QTMAN: variants seen among roughly 807,000 people sequenced by gnomAD.
The protein encoded by QTMAN is queuosine-tRNA mannosyltransferase, also known as tRNA-queuosine alpha-mannosyltransferase.
chr2:144,296,041 T>C, the QTMAN span, among the ~76,000 whole-genome samples: 1 of 152,234 alleles, frequency 6.6e-6, no homozygotes, highest in African/African-American at 2.4e-5. Context: ...GGTCAAACTG[T>C]GGTTTATTAA....
At chr2:144,125,583 C>A in the QTMAN span, among the ~76,000 whole-genome samples, 2 of 151,994 alleles carry the variant, frequency 1.3e-5, no homozygotes, top group African/African-American at 4.8e-5. Flanking sequence ...TAATTTGTAA[C>A]CATTCTCAGT....
chr2:144,218,655 T>C, the QTMAN span, among the ~76,000 whole-genome samples: 84 of 152,320 alleles, frequency 5.5e-4, no homozygotes, highest in Non-Finnish European at 9.3e-4. Flanking sequence ...ATTGAGAAGT[T>C]TCCCTCCCCA....
the QTMAN span, among the ~76,000 whole-genome samples, chr2:143,975,165 T>C: frequency 6.6e-6 from 1 of 152,208 alleles, no homozygotes; most frequent in Non-Finnish European, 1.5e-5. Flanking sequence ...TTTCCATGTG[T>C]TTTTTATTCC....
At chr2:144,250,045 T>C in the QTMAN span, among the ~76,000 whole-genome samples, 1 of 151,728 alleles carries the variant, frequency 6.6e-6, no homozygotes, top group South Asian at 2.1e-4. Context: ...GTGACAGCAA[T>C]AAACAAATCA....
chr2:143,973,303 C>G, the QTMAN span, among the ~76,000 whole-genome samples: 1 of 152,088 alleles, frequency 6.6e-6, no homozygotes, highest in South Asian at 2.1e-4. Flanking sequence ...TGGACCAAAA[C>G]TCCCTCATGA....
At chr2:143,985,658 A>C in the QTMAN span, among the ~76,000 whole-genome samples, 2 of 152,212 alleles carry the variant, frequency 1.3e-5, no homozygotes, top group African/African-American at 4.8e-5. Context: ...TTTCTAAATG[A>C]GAAACTTTAT....
chr2:144,296,288 A>T, the QTMAN span, among the ~76,000 whole-genome samples: 1 of 152,258 alleles, frequency 6.6e-6, no homozygotes, highest in Non-Finnish European at 1.5e-5. Context: ...CATGTCATTT[A>T]TCAGTGCAAT....
the QTMAN span, among the ~76,000 whole-genome samples, chr2:144,327,460 C>T: frequency 2.0e-5 from 3 of 152,248 alleles, no homozygotes; most frequent in South Asian, 2.1e-4. Flanking sequence ...CATTGAACTG[C>T]ATAAAAATCA....
chr2:144,190,580 A>T, the QTMAN span, among the ~76,000 whole-genome samples: 1 of 152,310 alleles, frequency 6.6e-6, no homozygotes, highest in South Asian at 2.1e-4. Flanking sequence ...AACATATCAA[A>T]CAACAACAAA....
At chr2:144,074,720 C>T in the QTMAN span, among the ~76,000 whole-genome samples, 2 of 152,194 alleles carry the variant, frequency 1.3e-5, no homozygotes, top group Non-Finnish European at 2.9e-5. Context: ...GTTAGTAACA[C>T]TGCTGCAACT....
At chr2:144,073,904 T>C in the QTMAN span, among the ~76,000 whole-genome samples, 1 of 152,164 alleles carries the variant, frequency 6.6e-6, no homozygotes, top group African/African-American at 2.4e-5. Context: ...GAAGAGGGTA[T>C]ATCATCCCAT....
the QTMAN span, among the ~76,000 whole-genome samples, chr2:144,212,717 C>A: frequency 6.6e-6 from 1 of 152,026 alleles, no homozygotes; most frequent in Admixed American, 6.6e-5. Context: ...TTAAGTTTTT[C>A]TGCTTAAACA....
chr2:144,174,867 G>C, the QTMAN span, among the ~76,000 whole-genome samples: 3 of 152,134 alleles, frequency 2.0e-5, no homozygotes, highest in Non-Finnish European at 2.9e-5. Context: ...AAATTACCCA[G>C]TCTCAGGTAT....
chr2:144,021,683 T>C, the QTMAN span, among the ~76,000 whole-genome samples: 1 of 152,242 alleles, frequency 6.6e-6, no homozygotes, highest in Admixed American at 6.5e-5. Context: ...ACTAAGCAAA[T>C]AAACCCAATG....
At chr2:144,221,187 A>G in the QTMAN span, among the ~76,000 whole-genome samples, 1 of 152,224 alleles carries the variant, frequency 6.6e-6, no homozygotes. Flanking sequence ...GCTTTGCTTT[A>G]AAGTATTAGA....
chr2:143,997,279 T>G, the QTMAN span, among the ~76,000 whole-genome samples: 1 of 152,146 alleles, frequency 6.6e-6, no homozygotes, highest in African/African-American at 2.4e-5. Context: ...ATAAAAACTT[T>G]CAACGAATGT....
chr2:144,192,945 G>A, the QTMAN span, among the ~76,000 whole-genome samples: 1 of 152,100 alleles, frequency 6.6e-6, no homozygotes, highest in Non-Finnish European at 1.5e-5. Context: ...AAATTAATGT[G>A]AGAAATATCA....
chr2:143,950,638 AATTAATTC>A, the QTMAN span, among the ~76,000 whole-genome samples: 1 of 151,708 alleles, frequency 6.6e-6, no homozygotes, highest in Non-Finnish European at 1.5e-5. Context: ...ATATATAAAA[AATTAATTC>A]ATTTGTACTA....
chr2:144,218,939 C>CAAAAAAAAAAAAAAAAAAAAAAA, the QTMAN span, among the ~76,000 whole-genome samples: 1 of 104,242 alleles, frequency 9.6e-6, no homozygotes, highest in Non-Finnish European at 2.0e-5. Context: ...AAAAAAAAAG[C>CAAAAAAAAAAAAAAAAAAAAAAA]AAAATCCTAG....
Sources: gnomAD v4.1 joint callset for allele counts (sites outside exome capture counted in the v4.1 genomes callset) on GRCh38, gnomAD v4.1.1 for gene constraint, MANE v1.5 for transcripts, NCBI Gene and HGNC (gene_info 2026-07-23, HGNC 2026-07-21) for gene names.